The following GRIA1 variants were observed in gnomAD, a reference collection of about 807,000 sequenced individuals.
GRIA1 encodes the protein glutamate ionotropic receptor AMPA type subunit 1.
Under a neutral mutation model 99.2 loss-of-function variants are expected in GRIA1, and 31 were observed. That is an observed-to-expected ratio of 0.31 (90% CI 0.23 to 0.42). The LOEUF (loss-of-function observed/expected upper bound fraction) is 0.42, where lower values mean the gene tolerates loss of function less well. GRIA1 is among the 10% of genes least tolerant of loss of function. The probability of loss-of-function intolerance (pLI) is 1.00; values close to 1 mark genes in which losing one functional copy is unlikely to be tolerated. For synonymous variants in GRIA1, 438 were observed against 432.4 expected, an observed-to-expected ratio of 1.01 and a Z score of -0.16; for missense variants, 782 against 1,157.5, an observed-to-expected ratio of 0.68 and a Z score of 4.71.
At chr5:153,624,484 C>T (rs1219006678) in intron 2 of GRIA1, among the ~76,000 whole-genome samples, 3 of 152,186 alleles carry the variant, frequency 2.0e-5, no homozygotes, top group African/African-American at 4.8e-5. Context: ...TCCCCTGATG[C>T]ATTTACATGA....
intron 14 of GRIA1, among the ~76,000 whole-genome samples, chr5:153,801,951 G>GT (rs1766057385): frequency 1.5e-5 from 2 of 135,840 alleles, no homozygotes; most frequent in African/African-American, 2.7e-5. Flanking sequence ...GGAAATTGGG[G>GT]CGGGGGGGGG....
chr5:153,579,582 G>C (rs1762867599), intron 2 of GRIA1, among the ~76,000 whole-genome samples: 1 of 152,136 alleles, frequency 6.6e-6, no homozygotes. Context: ...TAATTTGAAT[G>C]ACACATGTTT....
intron 2 of GRIA1, among the ~76,000 whole-genome samples, chr5:153,628,589 G>A (rs749332214): frequency 1.3e-5 from 2 of 152,178 alleles, no homozygotes; most frequent in Non-Finnish European, 2.9e-5. Flanking sequence ...TAGCATCTGA[G>A]GCTAATTGGC....
At chr5:153,733,360 A>G (rs1761171310) in intron 11 of GRIA1, among the ~76,000 whole-genome samples, 1 of 152,102 alleles carries the variant, frequency 6.6e-6, no homozygotes, top group Non-Finnish European at 1.5e-5. Context: ...ATGTATGCAA[A>G]AACCTACAGT....
Position 153,677,131 on chromosome 5 carries a change from A to G in GRIA1, c.999A>G (p.Gln333=). 1.3e-6 allele frequency: 2 copies of G among 1,556,650 alleles called. No homozygotes were observed. The highest frequency in any genetic ancestry group is 1.8e-5 in the Admixed American group (1 of 55,534). ...CLANPAVPWG[Q]GIDIQRALQQ... is the part of the protein sequence containing the mutation. ...CTAACCCAGCTGTTCCCTGGGGCCA[A>G]GGGATCGACATCCAGAGAGCTCTGC... The change falls in exon 7 of 16, where the codon CAA becomes CAG. Residue 333 remains glutamine, a synonymous_variant. Transcript: ENST00000285900.
chr5:153,630,827 T>C (rs1581367142), intron 2 of GRIA1, among the ~76,000 whole-genome samples: 2 of 152,080 alleles, frequency 1.3e-5, no homozygotes, highest in South Asian at 4.2e-4. Context: ...GCTGTGGTGG[T>C]GGTGGTTGCT....
chr5:153,696,862 A>ATGTGTGTG (rs10694156), intron 8 of GRIA1, among the ~76,000 whole-genome samples: 8 of 151,238 alleles, frequency 5.3e-5, no homozygotes, highest in East Asian at 3.9e-4. Flanking sequence ...TAGGGTGTGT[A>ATGTGTGTG]TGTGTGTGTG....
chr5:153,753,375 C>T (rs1253778176), intron 11 of GRIA1, among the ~76,000 whole-genome samples: 2 of 152,214 alleles, frequency 1.3e-5, no homozygotes, highest in South Asian at 4.1e-4. Flanking sequence ...GAAGTCAGTG[C>T]TGCTGAGATC....
At chr5:153,515,575 T>C (rs1225410695) in intron 2 of GRIA1, among the ~76,000 whole-genome samples, 1 of 152,066 alleles carries the variant, frequency 6.6e-6, no homozygotes, top group Non-Finnish European at 1.5e-5. Context: ...GTTAATAATA[T>C]ATTATGTATT....
Position 153,546,059 on chromosome 5 carries a change from A to G in GRIA1, c.220+51994A>G, listed in dbSNP as rs532730618. Among the ~76,000 whole-genome samples, 4 of 152,352 alleles carry G rather than the reference A, an allele frequency of 2.6e-5. No individual in the cohort carries two copies. In the East Asian group the frequency reaches 7.7e-4, roughly 29 times the overall value. The stretch of plus-strand genomic sequence containing the variant: ...GAATATAATTACTGAGGCGTGTGTC[A>G]CTGGAAATGCATTCCAATATAACAA... On this transcript the variant is annotated intron_variant, in intron 2 of 15. Coordinates refer to ENST00000285900, the MANE Select transcript of GRIA1 (RefSeq NM_000827.4).
chr5:153,638,998 T>C (rs1021717921), intron 2 of GRIA1, among the ~76,000 whole-genome samples: 8 of 152,190 alleles, frequency 5.3e-5, no homozygotes, highest in Non-Finnish European at 1.0e-4. Context: ...GCCCAGAGCC[T>C]ACGGCCGAGA....
intron 2 of GRIA1, among the ~76,000 whole-genome samples, chr5:153,580,921 AG>A (rs1762992249): frequency 6.6e-6 from 1 of 152,210 alleles, no homozygotes; most frequent in Non-Finnish European, 1.5e-5. Context: ...ACATTCTAAT[AG>A]GGCAGCAGCC....
intron 8 of GRIA1, among the ~76,000 whole-genome samples, chr5:153,689,276 C>A (rs1418014190): frequency 2.0e-5 from 3 of 152,098 alleles, no homozygotes; most frequent in African/African-American, 7.2e-5. Context: ...TTGTGTAAGG[C>A]CCAAGCAGGC....
intron 1 of GRIA1, 26 bp downstream of exon 1, chr5:153,490,996 G>T: frequency 1.3e-6 from 2 of 1,599,776 alleles, no homozygotes; most frequent in Non-Finnish European, 1.7e-6. Context: ...GCCTGGGGAG[G>T]GACTTTCTGG....
chr5:153,496,063 C>T (rs1581127810), intron 2 of GRIA1, among the ~76,000 whole-genome samples: 3 of 152,328 alleles, frequency 2.0e-5, no homozygotes, highest in Admixed American at 6.5e-5. Context: ...ATGTGAACTG[C>T]TCTCCTAGTA....
chr5:153,596,202 C>T (rs1240819416), intron 2 of GRIA1, among the ~76,000 whole-genome samples: 1 of 152,192 alleles, frequency 6.6e-6, no homozygotes, highest in Non-Finnish European at 1.5e-5. Flanking sequence ...GTCTTTTAAC[C>T]ACACAGGGTA....
chr5:153,759,304 A>G (rs1763026693), intron 11 of GRIA1, among the ~76,000 whole-genome samples: 1 of 151,790 alleles, frequency 6.6e-6, no homozygotes, highest in Non-Finnish European at 1.5e-5. Context: ...GATAAAACTG[A>G]CGAACCTTTA....
At chr5:153,765,905 A>T (rs866705370) in intron 12 of GRIA1, among the ~76,000 whole-genome samples, 1 of 152,314 alleles carries the variant, frequency 6.6e-6, no homozygotes. Flanking sequence ...ATCACCTAAG[A>T]TCACACAGCT....
intron 11 of GRIA1, among the ~76,000 whole-genome samples, chr5:153,737,290 TAAAAAAAAAAAAA>T (rs35443126): frequency 2.7e-5 from 2 of 74,056 alleles, no homozygotes; most frequent in Admixed American, 1.7e-4. Context: ...GCAACCCCGG[TAAAAAAAAAAAAA>T]AAAAAAAAAA....
Sources: gnomAD v4.1 joint callset for allele counts (sites outside exome capture counted in the v4.1 genomes callset) on GRCh38, gnomAD v4.1.1 for gene constraint, MANE v1.5 for transcripts, NCBI Gene and HGNC (gene_info 2026-07-23, HGNC 2026-07-21) for gene names.